Variants in CDC42BPB observed in about 807,000 individuals in gnomAD.
The protein encoded by CDC42BPB is CDC42 binding protein kinase beta.
In CDC42BPB, 37 loss-of-function variants were observed where a neutral mutation model predicts 214.9. The observed-to-expected ratio is 0.17, with a 90% CI of 0.13 to 0.23. The LOEUF (loss-of-function observed/expected upper bound fraction) is 0.23. Ranked by LOEUF, CDC42BPB falls within the 10% of genes least tolerant of loss-of-function variation. The pLI, the probability that CDC42BPB is intolerant of heterozygous loss-of-function variation, is 1.00. For synonymous variants in CDC42BPB, 931 were observed against 884.0 expected (o/e 1.05, Z -0.94); for missense variants, 1,694 against 2,227.0 (o/e 0.76, Z 4.82).
At chr14:103,003,509 C>T (rs557935358) in intron 4 of CDC42BPB, among the ~76,000 whole-genome samples, 2 of 152,232 alleles carry the variant, frequency 1.3e-5, no homozygotes, top group East Asian at 1.9e-4. Flanking sequence ...GGCACCCCCC[C>T]CACCGCGGGA....
chr14:102,946,157 C>T (rs547242752), intron 28 of CDC42BPB, among the ~76,000 whole-genome samples: 22 of 152,036 alleles, frequency 1.4e-4, no homozygotes, highest in Non-Finnish European at 2.1e-4. Context: ...TACAGGTGCC[C>T]GCCACCACGC....
chr14:102,995,670 C>A (rs1354616743), intron 5 of CDC42BPB, among the ~76,000 whole-genome samples: 3 of 152,248 alleles, frequency 2.0e-5, no homozygotes, highest in Non-Finnish European at 4.4e-5. Context: ...AACCTGCAGA[C>A]CCCCGCCTGC....
chr14:102,967,000 T>C, intron 17 of CDC42BPB, 46 bp downstream of exon 17: 1 of 1,595,820 alleles, frequency 6.3e-7, no homozygotes, highest in Non-Finnish European at 8.6e-7. Flanking sequence ...CCCCATGGAC[T>C]GAGCAGGGAG....
chr14:103,017,164 AT>A (rs1365567820), intron 1 of CDC42BPB, among the ~76,000 whole-genome samples: 2 of 152,296 alleles, frequency 1.3e-5, no homozygotes, highest in East Asian at 3.9e-4. Flanking sequence ...TCTACAAAAA[AT>A]AAAATCATGA....
At chr14:103,005,677 A>G (rs1375840917) in intron 3 of CDC42BPB, among the ~76,000 whole-genome samples, 1 of 152,142 alleles carries the variant, frequency 6.6e-6, no homozygotes, top group African/African-American at 2.4e-5. Flanking sequence ...CAACAGAGTA[A>G]CAGAGTGAGA....
At chr14:103,005,624 C>A (rs1394763173) in intron 3 of CDC42BPB, among the ~76,000 whole-genome samples, 1 of 151,814 alleles carries the variant, frequency 6.6e-6, no homozygotes, top group Non-Finnish European at 1.5e-5. Flanking sequence ...GTGGGAGGAT[C>A]GATGAGCCCA....
At chr14:103,012,326 G>T in intron 1 of CDC42BPB, 138 bp from the exon 2 acceptor site, 1 of 1,445,484 alleles carries the variant, frequency 6.9e-7, no homozygotes, top group Non-Finnish European at 9.1e-7. Context: ...ACATGTTTTG[G>T]AAAGTGAGCA....
At chr14:102,975,570 A>G (rs1488996009) in intron 11 of CDC42BPB, 114 bp downstream of exon 11, 18 of 1,137,460 alleles carry the variant, frequency 1.6e-5, no homozygotes, top group Non-Finnish European at 2.3e-5. Flanking sequence ...TAAGCTTGCT[A>G]AAGCCTAAGC....
intron 17 of CDC42BPB, 133 bp from the exon 18 acceptor site, chr14:102,966,520 C>G: frequency 4.1e-6 from 6 of 1,465,436 alleles, no homozygotes; most frequent in Admixed American, 2.3e-5. Flanking sequence ...CCGCAGTGTA[C>G]CCGTTGTATA....
intron 1 of CDC42BPB, among the ~76,000 whole-genome samples, chr14:103,031,908 T>C (rs1887396554): frequency 6.6e-6 from 1 of 152,128 alleles, no homozygotes; most frequent in African/African-American, 2.4e-5. Context: ...TTTTAAAAAG[T>C]TGAGTCCTCA....
At chr14:103,010,790 G>T (rs1886112832) in intron 2 of CDC42BPB, among the ~76,000 whole-genome samples, 1 of 152,234 alleles carries the variant, frequency 6.6e-6, no homozygotes. Context: ...CCAGCACTTT[G>T]GGAGGCTGAG....
chr14:103,003,951 C>T lies in CDC42BPB; in HGVS notation c.424G>A (p.Ala142Thr), dbSNP rs1198710710. 6 of 1,611,434 alleles carry T rather than the reference C, an allele frequency of 3.7e-6. No homozygotes were observed. In the Admixed American group the frequency reaches 5.0e-5, roughly 13 times the overall value. ...ACCAGGTGGTTCTCGTCCTGAAAGG[C>T]GTAGTGCAGCGCGGTGATCCACTGG... ...DCQWITALHY[A>T]FQDENHLYLV... The change falls in exon 4 of 37, where the codon GCC becomes ACC. Residue 142 changes from alanine to threonine, a missense_variant. Coordinates refer to ENST00000361246, the MANE Select transcript of CDC42BPB (RefSeq NM_006035.4).
chr14:102,992,691 C>A (rs1894547477), intron 5 of CDC42BPB, among the ~76,000 whole-genome samples: 1 of 151,348 alleles, frequency 6.6e-6, no homozygotes, highest in East Asian at 1.9e-4. Context: ...GACACAAAAT[C>A]TTTAAGTCTG....
intron 1 of CDC42BPB, among the ~76,000 whole-genome samples, chr14:103,029,202 A>G (rs1402113790): frequency 6.6e-6 from 1 of 152,224 alleles, no homozygotes; most frequent in Non-Finnish European, 1.5e-5. Flanking sequence ...GGAAGAAAAA[A>G]TACTGTTGCT....
chr14:102,967,056 T>A lies in CDC42BPB; in HGVS notation c.2461A>T (p.Ile821Phe), dbSNP rs149815807. The change falls in exon 17 of 37, where the codon ATC becomes TTC. Residue 821 changes from isoleucine (I) to phenylalanine (F), a missense_variant. Physicochemically the swap from Ile to Phe is conservative, Grantham distance 21 (BLOSUM62 0). Around this residue, in one of 7 missense-constraint regions of CDC42BPB, gnomAD observed 462 missense variants for 513.5 expected, o/e 0.90. Transcript: ENST00000361246. ...GGGCCGCGCACGTACCACTGAATGATTTCCGCAATCTGAGCTTCCCAGTGG... is the reference window on the plus strand; with the variant it reads ...GGGCCGCGCACGTACCACTGAATGAATTCCGCAATCTGAGCTTCCCAGTGG... ...VAHWEAQIAE[I>F]IQWVSDEKDA... The A allele has an allele frequency of 6.2e-7, 1 of 1,614,068 alleles. No homozygotes were observed. The highest frequency in any genetic ancestry group is 8.5e-7 in the Non-Finnish European group (1 of 1,180,014).
Position 102,943,259 on chromosome 14 carries a change from C to A in CDC42BPB, c.4408+632G>T, listed in dbSNP as rs1330212956. ...ACAGTGCTGGGATTACAGGTGTGAG[C>A]CACCGCTCTCCACCCGGTTTAAGGT... On this transcript the variant is annotated intron_variant, in intron 30 of 36. Coordinates refer to ENST00000361246, the MANE Select transcript of CDC42BPB (RefSeq NM_006035.4). The surrounding 1 kb of genome is among the most constrained non-coding windows in gnomAD (Gnocchi z 4.6). Among the ~76,000 whole-genome samples the A allele has an allele frequency of 6.6e-6, 1 of 152,166 alleles. No individual in the cohort carries two copies. Among genetic ancestry groups the A allele is most frequent in the Non-Finnish European group, 1.5e-5 (1 of 68,028 alleles).
intron 1 of CDC42BPB, among the ~76,000 whole-genome samples, chr14:103,034,496 G>A (rs1347097192): frequency 2.0e-5 from 3 of 152,040 alleles, no homozygotes; most frequent in South Asian, 2.1e-4. Context: ...TACCATAGCC[G>A]GGAAAAAAAT....
intron 26 of CDC42BPB, 117 bp from the exon 27 acceptor site, chr14:102,947,919 A>G: frequency 6.4e-7 from 1 of 1,557,788 alleles, no homozygotes. Context: ...TCTGCAGTGG[A>G]GGGCGGGTCC....
At chr14:102,949,721 G>C in intron 26 of CDC42BPB, 44 bp downstream of exon 26, 1 of 1,610,168 alleles carries the variant, frequency 6.2e-7, no homozygotes, top group Non-Finnish European at 8.5e-7. Context: ...AAAGATAGCT[G>C]AGGAAGATTC....
Sources: allele counts gnomAD v4.1 joint callset (sites outside exome capture counted in the v4.1 genomes callset), GRCh38; gene constraint gnomAD v4.1.1; regional missense constraint gnomAD v4.1.1; non-coding constraint Gnocchi (gnomAD v3.1); transcripts MANE v1.5; gene names NCBI Gene and HGNC (gene_info 2026-07-23, HGNC 2026-07-21).